Variants in EPS8 observed in about 807,000 individuals in gnomAD.
EPS8 encodes the protein EGFR pathway substrate 8, signaling adaptor, also known as epidermal growth factor receptor kinase substrate 8.
EPS8 carries 42 observed loss-of-function variants against 103.8 expected under a neutral mutation model. The observed-to-expected ratio is 0.40, with a 90% CI of 0.32 to 0.52. The LOEUF is 0.52. EPS8 is among the 20% of genes least tolerant of loss of function. The probability of loss-of-function intolerance (pLI) is 0.40; values close to 1 mark genes in which losing one functional copy is unlikely to be tolerated. For missense variants in EPS8, 969 were observed against 1,005.1 expected, an observed-to-expected ratio of 0.96 and a Z score of 0.49; for synonymous variants, 344 against 344.6, an observed-to-expected ratio of 1.00 and a Z score of 0.02.
intron 1 of EPS8, among the ~76,000 whole-genome samples, chr12:15,722,605 G>A (rs998554189): frequency 2.6e-5 from 4 of 152,080 alleles, no homozygotes; most frequent in African/African-American, 7.2e-5. Context: ...CATTCAGACC[G>A]CTATAGCAAA....
In EPS8 at chr12:15,748,401, A is replaced by C. The variant is rs969044113; in HGVS notation, c.-22+40760T>G. Among the ~76,000 whole-genome samples the C allele has an allele frequency of 2.6e-5, 4 of 152,210 alleles. No homozygotes were observed. The highest frequency in any genetic ancestry group is 9.7e-5 in the African/African-American group (4 of 41,436). Reference sequence around the variant, plus strand: ...ACTAAAGTGATGAGGATTAGAAAGGAAAGAATTATCCTCAATAATATCAAT... The same window carrying C: ...ACTAAAGTGATGAGGATTAGAAAGGCAAGAATTATCCTCAATAATATCAAT... On this transcript the variant is annotated intron_variant, in intron 1 of 20. Coordinates refer to ENST00000281172, the MANE Select transcript of EPS8 (RefSeq NM_004447.6). This position sits in a 1 kb window ranked among gnomAD's most constrained non-coding sequence, Gnocchi z 4.8.
chr12:15,756,758 C>A (rs943096482), intron 1 of EPS8, among the ~76,000 whole-genome samples: 1 of 152,080 alleles, frequency 6.6e-6, no homozygotes, highest in Non-Finnish European at 1.5e-5. Context: ...CATGACAGAT[C>A]TATATTTTAA....
At chr12:15,691,149 G>C (rs1391265420) in intron 1 of EPS8, among the ~76,000 whole-genome samples, 1 of 151,184 alleles carries the variant, frequency 6.6e-6, no homozygotes, top group East Asian at 1.9e-4. Context: ...CCACATTATA[G>C]GCAATAGAAG....
chr12:15,680,900 C>T (rs1220927412), intron 3 of EPS8, among the ~76,000 whole-genome samples: 1 of 152,086 alleles, frequency 6.6e-6, no homozygotes, highest in Non-Finnish European at 1.5e-5. Flanking sequence ...TGTCAGCCCA[C>T]CACCAACTAG....
chr12:15,663,513 A>G (rs1356124041), intron 8 of EPS8, among the ~76,000 whole-genome samples: 3 of 152,292 alleles, frequency 2.0e-5, no homozygotes, highest in African/African-American at 4.8e-5. Context: ...CTAGTGGTAA[A>G]TTAGAAGTTC....
chr12:15,712,616 A>G (rs1339963129), intron 1 of EPS8, among the ~76,000 whole-genome samples: 4 of 152,132 alleles, frequency 2.6e-5, no homozygotes, highest in Non-Finnish European at 5.9e-5. Flanking sequence ...TTGAATCTCC[A>G]CCTCTGTAAG....
At chr12:15,625,220 A>G (rs762411222) in intron 18 of EPS8, among the ~76,000 whole-genome samples, 2 of 152,134 alleles carry the variant, frequency 1.3e-5, no homozygotes, top group African/African-American at 4.8e-5. Flanking sequence ...ATTATGTTAT[A>G]TAAGAGCTGT....
chr12:15,689,191 G>A (rs1034600977), intron 1 of EPS8, among the ~76,000 whole-genome samples: 1 of 151,636 alleles, frequency 6.6e-6, no homozygotes, highest in African/African-American at 2.4e-5. Flanking sequence ...CTGTGTGCTT[G>A]CCAAAAGTTT....
rs974151232 is a variant in EPS8 at position 15,701,331 on chromosome 12, G to A, written c.-21-18359C>T. On this transcript the variant is annotated intron_variant, in intron 1 of 20. Coordinates refer to ENST00000281172, the MANE Select transcript of EPS8 (RefSeq NM_004447.6). This position sits in a 1 kb window ranked among gnomAD's most constrained non-coding sequence, Gnocchi z 5.1. ...TTACAGATGAGGAAACTGGGGCACA[G>A]AAGTGCCTTGCTCAGTATCACAGTT... Among the ~76,000 whole-genome samples the A allele has an allele frequency of 6.6e-6, 1 of 152,210 alleles. No individual in the cohort carries two copies. The highest frequency in any genetic ancestry group is 1.5e-5 in the Non-Finnish European group (1 of 68,046).
chr12:15,761,165 G>GA lies in EPS8; in HGVS notation c.-22+27995dup, dbSNP rs554229109. On this transcript the variant is annotated intron_variant, in intron 1 of 20. Transcript: ENST00000281172. The surrounding 1 kb of genome is among the most constrained non-coding windows in gnomAD (Gnocchi z 4.5). ...TGCCAACAGACAACAATCTGAAAAA[G>GA]AAAAAAAAAGTAATCCCATTTACAA... is the stretch of plus-strand genomic sequence containing the variant. Among the ~76,000 whole-genome samples, 6 of 148,352 alleles carry GA rather than the reference G, an allele frequency of 4.0e-5. No individual in the cohort carries two copies. The highest frequency in any genetic ancestry group is 7.5e-5 in the Non-Finnish European group (5 of 66,716).
intron 1 of EPS8, among the ~76,000 whole-genome samples, chr12:15,691,961 T>G (rs536114677): frequency 1.3e-5 from 2 of 152,236 alleles, no homozygotes; most frequent in South Asian, 4.2e-4. Flanking sequence ...CTATCATTAC[T>G]CTAACATTTC....
At position 15,764,276 on chromosome 12, in the gene EPS8, G is replaced by A. The variant is rs372377388; in HGVS notation, c.-22+24885C>T. ...CCCCATGATTCAGTTACCTCCCACC[G>A]GGTCCCTCTCATGACACATGGGAAT... On this transcript the variant is annotated intron_variant, in intron 1 of 20. Transcript: ENST00000281172. The surrounding 1 kb of genome is among the most constrained non-coding windows in gnomAD (Gnocchi z 4.1). 2.0e-5 allele frequency among the ~76,000 whole-genome samples: 3 copies of A among 152,082 alleles called. No individual in the cohort carries two copies. The highest frequency in any genetic ancestry group is 2.1e-4 in the South Asian group (1 of 4,818).
intron 13 of EPS8, among the ~76,000 whole-genome samples, chr12:15,653,801 G>A (rs530243480): frequency 3.9e-5 from 6 of 152,308 alleles, no homozygotes; most frequent in South Asian, 4.1e-4. Context: ...CACTGTGCGC[G>A]CGCGCGCGCA....
intron 10 of EPS8, among the ~76,000 whole-genome samples, chr12:15,659,340 AG>A (rs773530960): frequency 6.6e-6 from 1 of 152,140 alleles, no homozygotes; most frequent in Non-Finnish European, 1.5e-5. Context: ...CTTCGAAAGC[AG>A]GGTTAAAAAA....
Position 15,764,358 on chromosome 12 carries a change from A to G in EPS8, c.-22+24803T>C, listed in dbSNP as rs1027447548. 1.2e-4 allele frequency among the ~76,000 whole-genome samples: 18 copies of G among 152,222 alleles called. No homozygotes were observed. The highest frequency in any genetic ancestry group is 2.4e-4 in the Non-Finnish European group (16 of 68,038). On this transcript the variant is annotated intron_variant, in intron 1 of 20. Coordinates refer to ENST00000281172, the MANE Select transcript of EPS8 (RefSeq NM_004447.6). This position sits in a 1 kb window ranked among gnomAD's most constrained non-coding sequence, Gnocchi z 4.1. ...GTGGGGACACAGTGAAACCATATCA[A>G]TCAGTCAAGTTAGAAGGAGCTGAAT... is the stretch of plus-strand genomic sequence containing the variant.
At chr12:15,665,959 C>CTAGTACCACAAG in intron 7 of EPS8, 67 bp from the exon 8 acceptor site, 1 of 1,485,360 alleles carries the variant, frequency 6.7e-7, no homozygotes, top group Non-Finnish European at 9.3e-7. Flanking sequence ...ATTAACTCAA[C>CTAGTACCACAAG]TTGTGGTACT....
At chr12:15,681,331 A>G (rs1304515033) in intron 2 of EPS8, 29 bp from the exon 3 acceptor site, 2 of 979,036 alleles carry the variant, frequency 2.0e-6, no homozygotes, top group Non-Finnish European at 1.4e-6. Context: ...TAATAATAAT[A>G]ATAATATAAA....
chr12:15,754,745 A>C (rs747794662), intron 1 of EPS8, among the ~76,000 whole-genome samples: 6 of 152,240 alleles, frequency 3.9e-5, no homozygotes, highest in Non-Finnish European at 7.3e-5. Flanking sequence ...CCAACAAAAA[A>C]GTCTCTACCA....
At position 15,752,430 on chromosome 12, in the gene EPS8, G is replaced by A. The variant is rs550712078; in HGVS notation, c.-22+36731C>T. On this transcript the variant is annotated intron_variant, in intron 1 of 20. Coordinates refer to ENST00000281172, the MANE Select transcript of EPS8 (RefSeq NM_004447.6). This position sits in a 1 kb window ranked among gnomAD's most constrained non-coding sequence, Gnocchi z 4.4. ...CCACTGCACCCTAGCCTGGGCGACA[G>A]AGCAAGACTCCATCTCAAAAAAAAA... Among the ~76,000 whole-genome samples the A allele has an allele frequency of 6.6e-6, 1 of 151,434 alleles. No homozygotes were observed. Among genetic ancestry groups the A allele is most frequent in the Non-Finnish European group, 1.5e-5 (1 of 67,900 alleles).
Sources: allele counts gnomAD v4.1 joint callset (sites outside exome capture counted in the v4.1 genomes callset), GRCh38; gene constraint gnomAD v4.1.1; non-coding constraint Gnocchi (gnomAD v3.1); transcripts MANE v1.5; gene names NCBI Gene and HGNC (gene_info 2026-07-23, HGNC 2026-07-21).